Variants in TNNT2 observed in about 807,000 individuals in gnomAD.
TNNT2 encodes the protein troponin T, cardiac muscle.
A neutral mutation model predicts 62.4 loss-of-function variants in TNNT2; 34 were observed. The observed-to-expected ratio is 0.54, with a 90% CI of 0.41 to 0.72. TNNT2 has a LOEUF of 0.72. Ranked by LOEUF, TNNT2 falls within the 30% of genes least tolerant of loss-of-function variation. The pLI, the probability that TNNT2 is intolerant of heterozygous loss-of-function variation, is 0.00. For synonymous variants in TNNT2, 123 were observed against 127.2 expected, an observed-to-expected ratio of 0.97 and a Z score of 0.22; for missense variants, 275 against 381.9, an observed-to-expected ratio of 0.72 and a Z score of 2.33.
intron 1 of TNNT2, among the ~76,000 whole-genome samples, chr1:201,375,890 C>G (rs1313233282): frequency 6.6e-6 from 1 of 152,264 alleles, no homozygotes; most frequent in African/African-American, 2.4e-5. Context: ...TTGGACTCCT[C>G]TCCCTGTTCC....
At chr1:201,375,527 G>A (rs1661269015) in intron 1 of TNNT2, among the ~76,000 whole-genome samples, 2 of 152,178 alleles carry the variant, frequency 1.3e-5, no homozygotes, top group Non-Finnish European at 2.9e-5. Context: ...GCGGGATCAA[G>A]CCTCATTCTG....
chr1:201,366,991 C>G lies in TNNT2; in HGVS notation c.200-120G>C, dbSNP rs774086897. 7.1e-6 allele frequency: 11 copies of G among 1,547,484 alleles called. No individual in the cohort carries two copies. In the East Asian group the frequency reaches 2.5e-4, roughly 35 times the overall value. ...TTCCCCATCTGCACAGTGAGTCCCT[C>G]CCGGCACTGGGGAGCCCTGATTCCA... On this transcript the variant is annotated intron_variant, in intron 7 of 16. Coordinates refer to ENST00000656932, the MANE Select transcript of TNNT2 (RefSeq NM_001276345.2).
chr1:201,368,771 G>A (rs1347252741), intron 5 of TNNT2, among the ~76,000 whole-genome samples: 1 of 152,194 alleles, frequency 6.6e-6, no homozygotes, highest in Non-Finnish European at 1.5e-5. Flanking sequence ...AACAGATAAG[G>A]GAGACAGGAT....
chr1:201,375,161 G>C (rs1661212533), intron 1 of TNNT2: 1 of 152,294 alleles, frequency 6.6e-6, no homozygotes, highest in Admixed American at 6.5e-5. Flanking sequence ...AAGAGCCAGG[G>C]CTCTGGTTGG....
rs1571587581 is a variant in TNNT2, at chr1:201,359,310, C to T, written c.852-55G>A. On this transcript the variant is annotated intron_variant, in intron 16 of 16. Transcript: ENST00000656932. ...GAGACACAGGCAGGGTAGTAGGTCA[C>T]CATGCGGCTGGGGTAGGACTGGGGT... 8 of 1,589,438 alleles carry T rather than the reference C, an allele frequency of 5.0e-6. No homozygotes were observed. The African/African-American group carries it at 5.3e-5, about 11-fold the overall frequency.
chr1:201,363,048 A>G, intron 12 of TNNT2: 2 of 937,478 alleles, frequency 2.1e-6, no homozygotes, highest in Non-Finnish European at 2.5e-6. Context: ...GGAGCCAGGC[A>G]TGGGGGGCAC....
rs1216835616 is a variant in TNNT2 at position 201,364,017 on chromosome 1, G to A, written c.489+281C>T. ...TTCTCCTGCCTCAGCCTCCTGAGTA[G>A]CTAGGATGACCGGCATGTGCCACCA... On this transcript the variant is annotated intron_variant, in intron 11 of 16. Coordinates refer to ENST00000656932, the MANE Select transcript of TNNT2 (RefSeq NM_001276345.2). 1.1e-5 allele frequency: 5 copies of A among 444,332 alleles called. No individual in the cohort carries two copies. The East Asian group carries it at 2.4e-4, about 21-fold the overall frequency. The allele number at this position is 444,332 out of a possible 1,614,324, so 27.5% of individuals were successfully genotyped here.
At chr1:201,359,751 G>A in intron 15 of TNNT2, 88 bp from the exon 16 acceptor site, 2 of 1,122,456 alleles carry the variant, frequency 1.8e-6, no homozygotes, top group Non-Finnish European at 2.6e-6. Context: ...GAAGGGGGCT[G>A]AGTGCAGCAG....
intron 1 of TNNT2, 165 bp from the exon 2 acceptor site, chr1:201,373,433 G>C: frequency 1.5e-6 from 1 of 679,876 alleles, no homozygotes; most frequent in Non-Finnish European, 2.6e-6. Context: ...CTCCCCTGCT[G>C]GGGGAGATAG....
intron 1 of TNNT2, chr1:201,374,975 C>T: frequency 6.5e-6 from 1 of 152,712 alleles, no homozygotes. Flanking sequence ...TCCCCTGCTG[C>T]CCACCTCCTG....
intron 8 of TNNT2, 24 bp downstream of exon 8, chr1:201,366,814 C>G (rs746290702): frequency 6.2e-7 from 1 of 1,614,168 alleles, no homozygotes; most frequent in East Asian, 2.2e-5. Flanking sequence ...GCTCCCGGCT[C>G]TACCCAGGTG....
chr1:201,369,640 G>C (rs548287797), intron 5 of TNNT2, among the ~76,000 whole-genome samples, 176 bp downstream of exon 5: 1 of 152,294 alleles, frequency 6.6e-6, no homozygotes, highest in African/African-American at 2.4e-5. Flanking sequence ...CAGGCATGAT[G>C]ATCAGCTTGG....
At chr1:201,365,739 G>A in intron 8 of TNNT2, 69 bp from the exon 9 acceptor site, 7 of 1,588,948 alleles carry the variant, frequency 4.4e-6, no homozygotes, top group South Asian at 2.3e-5. Context: ...TCCAGGACAG[G>A]CAGGGCCCTG....
At position 201,363,368 on chromosome 1, in the gene TNNT2, C is replaced by G; in HGVS notation, c.528G>C (p.Arg176Ser). ...RARREEEENR[R>S]KAEDEARKKK... ...TCTTCCGGGCCTCATCCTCAGCCTTCCTCCTGTTCTCCTCCTCCTCTCGTC... is the reference window on the plus strand; with the variant it reads ...TCTTCCGGGCCTCATCCTCAGCCTTGCTCCTGTTCTCCTCCTCCTCTCGTC... Residue 176 changes from arginine to serine, a missense_variant, in exon 12 of 17, where the codon AGG becomes AGC. By Grantham distance (110) the Arg-to-Ser change is moderately radical. Transcript: ENST00000656932. The G allele has an allele frequency of 6.2e-7, 1 of 1,614,224 alleles. No individual in the cohort carries two copies. The highest frequency in any genetic ancestry group is 8.5e-7 in the Non-Finnish European group (1 of 1,180,052).
At chr1:201,372,071 A>G in intron 3 of TNNT2, 30 bp from the exon 4 acceptor site, 1 of 1,613,642 alleles carries the variant, frequency 6.2e-7, no homozygotes, top group Non-Finnish European at 8.5e-7. Flanking sequence ...AGGCAGCAAG[A>G]GAAGAGAGAA....
In TNNT2 at chr1:201,359,092, G is replaced by T. The variant is rs1446042856; in HGVS notation, c.*118C>A. On this transcript the variant is annotated 3_prime_UTR_variant, in exon 17 of 17. Coordinates refer to ENST00000656932, the MANE Select transcript of TNNT2 (RefSeq NM_001276345.2). ...GGAGTGGTGGCTCCCACCTAGGCCA[G>T]CTCCCCATTTCCAAACAGGAGCTGC... 2.9e-6 allele frequency: 4 copies of T among 1,358,556 alleles called. No homozygotes were observed. Among genetic ancestry groups the T allele is most frequent in the Non-Finnish European group, 4.1e-6 (4 of 973,398 alleles). 84.2% of individuals were successfully genotyped at this position (1,358,556 alleles called of 1,614,324 possible). A position where few individuals can be genotyped will look rare whatever the true frequency, so the allele number is the denominator to read the frequency against.
At chr1:201,371,902 T>C in intron 4 of TNNT2, 125 bp downstream of exon 4, 1 of 1,313,830 alleles carries the variant, frequency 7.6e-7, no homozygotes, top group Non-Finnish European at 1.1e-6. Flanking sequence ...GGCACTGTTG[T>C]TGGAGGATCT....
In TNNT2 at chr1:201,364,179, C is replaced by T. The variant is rs139924149; in HGVS notation, c.489+119G>A. Reference sequence around the variant, plus strand: ...GATTACAGGCGTGAGCCACCGCACCCGGCCAATATTGTCTCTTGACTGATT... The same window carrying T: ...GATTACAGGCGTGAGCCACCGCACCTGGCCAATATTGTCTCTTGACTGATT... On this transcript the variant is annotated intron_variant, in intron 11 of 16. Coordinates refer to ENST00000656932, the MANE Select transcript of TNNT2 (RefSeq NM_001276345.2). 2.4e-3 allele frequency: 2,704 copies of T among 1,147,558 alleles called. 41 individuals carry two copies. The African/African-American group carries it at 0.035, about 15-fold the overall frequency. 71.1% of individuals were successfully genotyped at this position (1,147,558 alleles called of 1,614,324 possible).
intron 9 of TNNT2, 27 bp from the exon 10 acceptor site, chr1:201,365,334 G>C: frequency 6.3e-7 from 1 of 1,586,818 alleles, no homozygotes; most frequent in East Asian, 2.2e-5. Context: ...GCGGCTCAGA[G>C]GCTGCCACTC....
Sources: allele counts gnomAD v4.1 joint callset (sites outside exome capture counted in the v4.1 genomes callset), GRCh38; gene constraint gnomAD v4.1.1; transcripts MANE v1.5; gene names NCBI Gene and HGNC (gene_info 2026-07-23, HGNC 2026-07-21).